The following TLL2 variants were observed in gnomAD, a reference collection of about 807,000 sequenced individuals.
TLL2 encodes tolloid-like protein 2.
A neutral mutation model predicts 123.0 loss-of-function variants in TLL2; 106 were observed. The ratio of observed to expected loss-of-function variants is 0.86; its 90% CI spans 0.74 to 1.01. The LOEUF is 1.01. TLL2 is among the 50% of genes least tolerant of loss of function. TLL2 has a pLI of 0.00. For missense variants in TLL2, 1,332 were observed against 1,336.7 expected, an observed-to-expected ratio of 1.00 and a Z score of 0.06; for synonymous variants, 494 against 516.8, an observed-to-expected ratio of 0.96 and a Z score of 0.60.
intron 2 of TLL2, among the ~76,000 whole-genome samples, chr10:96,450,549 A>C (rs995478000): frequency 8.6e-5 from 13 of 151,854 alleles, no homozygotes; most frequent in African/African-American, 3.1e-4. Flanking sequence ...CTATTTTCTT[A>C]CTCCCAACCT....
At chr10:96,476,248 TTTGTTG>T (rs1554939655) in intron 2 of TLL2, among the ~76,000 whole-genome samples, 2 of 69,244 alleles carry the variant, frequency 2.9e-5, no homozygotes, top group African/African-American at 1.2e-4. Context: ...ATATTTTATT[TTTGTTG>T]TTGTTGTTGT....
chr10:96,368,493 G>T (rs1846049890), intron 20 of TLL2, among the ~76,000 whole-genome samples: 2 of 152,212 alleles, frequency 1.3e-5, no homozygotes, highest in Non-Finnish European at 2.9e-5. Flanking sequence ...GTCAGGTGCT[G>T]CACTAGGCAA....
At chr10:96,430,344 T>C (rs1194082346) in intron 4 of TLL2, among the ~76,000 whole-genome samples, 1 of 152,206 alleles carries the variant, frequency 6.6e-6, no homozygotes, top group Non-Finnish European at 1.5e-5. Context: ...CCTTCCGCCA[T>C]GATTGCAAGC....
intron 13 of TLL2, 71 bp downstream of exon 13, chr10:96,395,116 G>T: frequency 6.9e-7 from 1 of 1,457,390 alleles, no homozygotes; most frequent in Non-Finnish European, 9.3e-7. Context: ...ATATGGTTTT[G>T]TGTGTCTTAG....
chr10:96,489,643 G>A (rs548745633), intron 1 of TLL2, among the ~76,000 whole-genome samples: 9 of 152,292 alleles, frequency 5.9e-5, no homozygotes, highest in Admixed American at 4.6e-4. Flanking sequence ...TTGAGGAACT[G>A]AATTTTACAT....
chr10:96,488,081 T>C (rs1847374633), intron 1 of TLL2, among the ~76,000 whole-genome samples: 1 of 152,192 alleles, frequency 6.6e-6, no homozygotes, highest in Non-Finnish European at 1.5e-5. Flanking sequence ...AGTCATAATA[T>C]CTTCCACATG....
intron 7 of TLL2, among the ~76,000 whole-genome samples, chr10:96,420,359 G>C (rs1337503443): frequency 6.6e-6 from 1 of 152,214 alleles, no homozygotes; most frequent in Admixed American, 6.5e-5. Context: ...CATCAGAACA[G>C]ACCCTGCCCA....
chr10:96,396,675 G>A (rs560006600), intron 11 of TLL2, among the ~76,000 whole-genome samples: 1 of 149,850 alleles, frequency 6.7e-6, no homozygotes, highest in African/African-American at 2.5e-5. Context: ...ACCATCACCT[G>A]GTGGCAGCTG....
chr10:96,504,707 G>A (rs1847562531), intron 1 of TLL2, among the ~76,000 whole-genome samples: 1 of 152,168 alleles, frequency 6.6e-6, no homozygotes, highest in South Asian at 2.1e-4. Context: ...TCACACTACT[G>A]TAAAGATACT....
intron 3 of TLL2, among the ~76,000 whole-genome samples, chr10:96,437,139 C>A (rs1222071733): frequency 6.6e-6 from 1 of 152,092 alleles, no homozygotes; most frequent in Non-Finnish European, 1.5e-5. Context: ...AACAATACAT[C>A]AAGCTTTGCA....
At chr10:96,505,982 G>A (rs535477838) in intron 1 of TLL2, among the ~76,000 whole-genome samples, 4 of 152,098 alleles carry the variant, frequency 2.6e-5, no homozygotes, top group South Asian at 2.1e-4. Context: ...GGCTGGGCGC[G>A]GTGGCTTGTG....
Position 96,366,531 on chromosome 10 carries a change from T to C in TLL2, c.*1557A>G, listed in dbSNP as rs1407661661. On this transcript the variant is annotated 3_prime_UTR_variant, in exon 21 of 21. Transcript: ENST00000357947. Reference sequence around the variant, plus strand: ...TATTCCCATGCATTTCTCTGACCTTTCTTTGTATCATTCTAGTTTTTGCTC... The same window carrying C: ...TATTCCCATGCATTTCTCTGACCTTCCTTTGTATCATTCTAGTTTTTGCTC... 1 of 152,702 alleles carries C rather than the reference T, an allele frequency of 6.5e-6. No homozygotes were observed. Among genetic ancestry groups the C allele is most frequent in the Non-Finnish European group, 1.5e-5 (1 of 68,042 alleles). 9.5% of individuals were successfully genotyped at this position (152,702 alleles called of 1,614,324 possible).
intron 1 of TLL2, among the ~76,000 whole-genome samples, chr10:96,492,722 G>A (rs34811446): frequency 0.32 from 48,927 of 152,100 alleles, 8,331 homozygotes; most frequent in Middle Eastern, 0.47. Flanking sequence ...CTTCTTTACC[G>A]CAGGACTTCC....
At position 96,366,670 on chromosome 10, in the gene TLL2, A is replaced by G. The variant is rs2134047430; in HGVS notation, c.*1418T>C. The G allele has an allele frequency of 6.6e-6, 1 of 152,610 alleles. No individual in the cohort carries two copies. The highest frequency in any genetic ancestry group is 2.4e-5 in the African/African-American group (1 of 41,588). 9.5% of individuals were successfully genotyped at this position (152,610 alleles called of 1,614,324 possible). ...TTTAAAATGATGCTGATTCATCCCAAAGGAATTCCGGTGCATGGGAGCTAT... is the reference window on the plus strand; with the variant it reads ...TTTAAAATGATGCTGATTCATCCCAGAGGAATTCCGGTGCATGGGAGCTAT... On this transcript the variant is annotated 3_prime_UTR_variant, in exon 21 of 21. Coordinates refer to ENST00000357947, the MANE Select transcript of TLL2 (RefSeq NM_012465.4).
At chr10:96,456,700 A>G (rs1043550601) in intron 2 of TLL2, among the ~76,000 whole-genome samples, 15 of 152,218 alleles carry the variant, frequency 9.9e-5, no homozygotes, top group Non-Finnish European at 1.8e-4. Flanking sequence ...GGAGCCATCC[A>G]AGGTGCAGAC....
rs1241577628 is a variant in TLL2, at chr10:96,376,923, G to C, written c.2321-104C>G. 4 of 1,287,278 alleles carry C rather than the reference G, an allele frequency of 3.1e-6. No homozygotes were observed. In the African/African-American group the frequency reaches 6.2e-5, roughly 20 times the overall value. The allele number at this position is 1,287,278 out of a possible 1,614,324, so 79.7% of individuals were successfully genotyped here. A position where few individuals can be genotyped will look rare whatever the true frequency, so the allele number is the denominator to read the frequency against. ...CCTCCCCTCTCTCCTAATTGTCTCA[G>C]GGTCTTTATCAAATATGGGGGTGGG... On this transcript the variant is annotated intron_variant, in intron 17 of 20. Coordinates refer to ENST00000357947, the MANE Select transcript of TLL2 (RefSeq NM_012465.4).
At chr10:96,408,145 T>C (rs1268181689) in intron 9 of TLL2, among the ~76,000 whole-genome samples, 1 of 152,272 alleles carries the variant, frequency 6.6e-6, no homozygotes, top group Non-Finnish European at 1.5e-5. Context: ...TAGTAACACC[T>C]GTAAGCTGGT....
chr10:96,445,800 G>C (rs1326013100), intron 3 of TLL2, among the ~76,000 whole-genome samples: 3 of 152,162 alleles, frequency 2.0e-5, no homozygotes, highest in African/African-American at 7.2e-5. Context: ...ACAGACTTCA[G>C]TGCTTCTAGT....
intron 1 of TLL2, among the ~76,000 whole-genome samples, chr10:96,511,849 G>C (rs902355067): frequency 2.0e-5 from 3 of 152,328 alleles, no homozygotes; most frequent in Non-Finnish European, 2.9e-5. Flanking sequence ...TCTGACAAGT[G>C]GGGGAGGTGG....
Sources: gnomAD v4.1 joint callset for allele counts (sites outside exome capture counted in the v4.1 genomes callset) on GRCh38, gnomAD v4.1.1 for gene constraint, MANE v1.5 for transcripts, NCBI Gene and HGNC (gene_info 2026-07-23, HGNC 2026-07-21) for gene names.